The following RBKS variants were observed in gnomAD, a reference collection of about 807,000 sequenced individuals.
The protein encoded by RBKS is ribokinase.
In RBKS, 33 loss-of-function variants were observed where a neutral mutation model predicts 33.9. The observed-to-expected ratio is 0.97, with a 90% CI of 0.74 to 1.30. RBKS has a LOEUF of 1.30. Ranked by LOEUF, RBKS falls within the 50% of genes most tolerant of loss-of-function variation. The probability of loss-of-function intolerance (pLI) is 0.00; values close to 1 mark genes in which losing one functional copy is unlikely to be tolerated. For synonymous variants in RBKS, 125 were observed against 143.0 expected (o/e 0.87, Z 0.90); for missense variants, 361 against 392.6 (o/e 0.92, Z 0.68).
chr2:27,874,038 A>T (rs1253353823), intron 1 of RBKS, among the ~76,000 whole-genome samples: 1 of 152,238 alleles, frequency 6.6e-6, no homozygotes, highest in Non-Finnish European at 1.5e-5. Context: ...GAAATATTTT[A>T]AATGCTCATA....
intron 7 of RBKS, among the ~76,000 whole-genome samples, chr2:27,793,230 A>G (rs1677571605): frequency 6.6e-6 from 1 of 152,240 alleles, no homozygotes; most frequent in Non-Finnish European, 1.5e-5. Context: ...ATTCTGCAAC[A>G]ATCATAGTGC....
At chr2:27,860,406 G>GA (rs887908558) in intron 1 of RBKS, among the ~76,000 whole-genome samples, 17 of 152,152 alleles carry the variant, frequency 1.1e-4, no homozygotes, top group Admixed American at 3.3e-4. Context: ...ACCTGAAAAA[G>GA]AAAAAATATA....
chr2:27,787,194 G>T (rs960273119), intron 7 of RBKS, among the ~76,000 whole-genome samples: 1 of 152,168 alleles, frequency 6.6e-6, no homozygotes, highest in Non-Finnish European at 1.5e-5. Context: ...GGCCAGGCAC[G>T]GCGGCTCACG....
chr2:27,804,462 C>G (rs1375593752), intron 7 of RBKS, among the ~76,000 whole-genome samples: 1 of 152,206 alleles, frequency 6.6e-6, no homozygotes, highest in Non-Finnish European at 1.5e-5. Context: ...TGAGCAAAAT[C>G]ATTTCATATT....
At chr2:27,887,022 C>T (rs921313796) in intron 1 of RBKS, among the ~76,000 whole-genome samples, 17 of 152,180 alleles carry the variant, frequency 1.1e-4, no homozygotes, top group South Asian at 6.2e-4. Flanking sequence ...ACATCCAAAT[C>T]CCCAGAATTT....
intron 7 of RBKS, among the ~76,000 whole-genome samples, chr2:27,818,063 T>C (rs1157958025): frequency 6.6e-6 from 1 of 152,090 alleles, no homozygotes; most frequent in Non-Finnish European, 1.5e-5. Context: ...TATACTAATA[T>C]ACAGAGCCAA....
At position 27,830,163 on chromosome 2, in the gene RBKS, C is replaced by T. The variant is rs150804342; in HGVS notation, c.607-2408G>A. On this transcript the variant is annotated intron_variant, in intron 6 of 7. Coordinates refer to ENST00000302188, the MANE Select transcript of RBKS (RefSeq NM_022128.3). Reference sequence around the variant, plus strand: ...CTTGTAAGTATCTTTTCATTGTGTCCATTAGTATTTACATATCAGTGGTTT... The same window carrying T: ...CTTGTAAGTATCTTTTCATTGTGTCTATTAGTATTTACATATCAGTGGTTT... Among the ~76,000 whole-genome samples, 278 of 152,154 alleles carry T rather than the reference C, an allele frequency of 1.8e-3. 1 individual carries two copies. The highest frequency in any genetic ancestry group is 6.4e-3 in the African/African-American group (267 of 41,518).
chr2:27,847,184 T>A, intron 3 of RBKS, 80 bp from the exon 4 acceptor site: 2 of 817,830 alleles, frequency 2.4e-6, no homozygotes, highest in Non-Finnish European at 2.1e-6. Context: ...AATACAACAC[T>A]AATCCTTGGA....
intron 1 of RBKS, among the ~76,000 whole-genome samples, chr2:27,866,730 G>T (rs1332950541): frequency 6.6e-6 from 1 of 151,970 alleles, no homozygotes; most frequent in African/African-American, 2.4e-5. Context: ...CCTGGAATTT[G>T]GTTCATCTAT....
At chr2:27,887,846 A>G (rs1664571269) in intron 1 of RBKS, among the ~76,000 whole-genome samples, 1 of 152,172 alleles carries the variant, frequency 6.6e-6, no homozygotes, top group African/African-American at 2.4e-5. Flanking sequence ...CAAGAGGAGA[A>G]ATTCTTCTCT....
chr2:27,837,942 G>C lies in RBKS; in HGVS notation c.514+5125C>G, dbSNP rs533168168. On this transcript the variant is annotated intron_variant, in intron 5 of 7. Transcript: ENST00000302188. The surrounding 1 kb of genome is among the most constrained non-coding windows in gnomAD (Gnocchi z 4.0). ...AGGCCTGGTGCGGTGGTTCATGCCT[G>C]TAATCCCAGTACTTTGGGAGGTTGA... is the stretch of plus-strand genomic sequence containing the variant. Among the ~76,000 whole-genome samples the C allele has an allele frequency of 2.0e-4, 31 of 152,290 alleles. No homozygotes were observed. Among genetic ancestry groups the C allele is most frequent in the African/African-American group, 7.2e-4 (30 of 41,568 alleles).
At chr2:27,814,484 T>G (rs944771622) in intron 7 of RBKS, among the ~76,000 whole-genome samples, 1 of 152,110 alleles carries the variant, frequency 6.6e-6, no homozygotes, top group African/African-American at 2.4e-5. Flanking sequence ...TGATTTGCCT[T>G]GGACTAGTGA....
intron 1 of RBKS, among the ~76,000 whole-genome samples, chr2:27,871,445 TAA>T (rs1465925716): frequency 6.6e-6 from 1 of 152,236 alleles, no homozygotes; most frequent in African/African-American, 2.4e-5. Context: ...TATTTTCTTT[TAA>T]ATGCAGCTTT....
chr2:27,800,419 C>T (rs1174584124), intron 7 of RBKS, among the ~76,000 whole-genome samples: 1 of 152,192 alleles, frequency 6.6e-6, no homozygotes, highest in African/African-American at 2.4e-5. Flanking sequence ...TGGCAAGTCA[C>T]TCAGCTTTTC....
At chr2:27,799,792 C>T (rs775917883) in intron 7 of RBKS, among the ~76,000 whole-genome samples, 2 of 152,136 alleles carry the variant, frequency 1.3e-5, no homozygotes, top group African/African-American at 4.8e-5. Context: ...AGGAGGGCTG[C>T]GCCAGCTGCT....
At chr2:27,789,595 C>CA (rs1399901714) in intron 7 of RBKS, among the ~76,000 whole-genome samples, 2 of 151,818 alleles carry the variant, frequency 1.3e-5, no homozygotes, top group African/African-American at 4.8e-5. Context: ...GTCAGAGTCT[C>CA]ACTCTGTAGC....
At chr2:27,843,945 T>C (rs1663565748) in intron 4 of RBKS, among the ~76,000 whole-genome samples, 1 of 152,142 alleles carries the variant, frequency 6.6e-6, no homozygotes, top group Non-Finnish European at 1.5e-5. Flanking sequence ...GAGCCACACA[T>C]GGCCATTGAA....
chr2:27,814,060 GAAA>G (rs995766554), intron 7 of RBKS, among the ~76,000 whole-genome samples: 1 of 146,164 alleles, frequency 6.8e-6, no homozygotes, highest in East Asian at 2.0e-4. Flanking sequence ...GCCAGCTCTA[GAAA>G]AAAAAAAATC....
chr2:27,859,620 G>A (rs190088002), intron 1 of RBKS, among the ~76,000 whole-genome samples: 161 of 152,300 alleles, frequency 1.1e-3, no homozygotes, highest in Admixed American at 2.0e-3. Context: ...ATGGGCTCAG[G>A]TGGCACGAAC....
Sources: allele counts gnomAD v4.1 joint callset (sites outside exome capture counted in the v4.1 genomes callset), GRCh38; gene constraint gnomAD v4.1.1; non-coding constraint Gnocchi (gnomAD v3.1); transcripts MANE v1.5; gene names NCBI Gene and HGNC (gene_info 2026-07-23, HGNC 2026-07-21).